The following PLXNC1 variants were observed in gnomAD, a reference collection of about 807,000 sequenced individuals.
The protein encoded by PLXNC1 is plexin C1, also known as plexin-C1.
Under a neutral mutation model 178.2 loss-of-function variants are expected in PLXNC1, and 75 were observed. That is an observed-to-expected ratio of 0.42 (90% CI 0.35 to 0.51). The LOEUF (loss-of-function observed/expected upper bound fraction) is 0.51, where lower values mean the gene tolerates loss of function less well. PLXNC1 is among the 20% of genes least tolerant of loss of function. PLXNC1 has a pLI of 0.02. For missense variants in PLXNC1, 1,503 were observed against 1,984.4 expected (o/e 0.76, Z 4.61); for synonymous variants, 790 against 779.9 (o/e 1.01, Z -0.22).
chr12:94,262,772 C>G, intron 20 of PLXNC1: 8 of 985,360 alleles, frequency 8.1e-6, no homozygotes, highest in Middle Eastern at 5.2e-4. Context: ...AGGTAACTTT[C>G]CCTTCCAAGA....
intron 2 of PLXNC1, among the ~76,000 whole-genome samples, chr12:94,179,579 A>G (rs1289787717): frequency 6.6e-6 from 1 of 151,974 alleles, no homozygotes; most frequent in Non-Finnish European, 1.5e-5. Context: ...CGTCTCTACT[A>G]AAAATACAAA....
At chr12:94,227,479 T>C in intron 9 of PLXNC1, 2 of 344,874 alleles carry the variant, frequency 5.8e-6, no homozygotes, top group Non-Finnish European at 1.1e-5. Context: ...CTGGTCGAAA[T>C]AAAATTGTAA....
chr12:94,243,497 T>A (rs77938313), intron 11 of PLXNC1, among the ~76,000 whole-genome samples: 1 of 152,374 alleles, frequency 6.6e-6, no homozygotes, highest in Non-Finnish European at 1.5e-5. Context: ...CCTGTCTCTC[T>A]AAATAACATA....
chr12:94,168,912 G>T (rs2291323), intron 1 of PLXNC1, among the ~76,000 whole-genome samples: 1 of 152,012 alleles, frequency 6.6e-6, no homozygotes, highest in Admixed American at 6.5e-5. Context: ...TGGCCAGCTC[G>T]CTTTGGCACT....
chr12:94,260,838 C>T lies in PLXNC1; in HGVS notation c.3448C>T (p.Arg1150Trp). 5 of 1,613,852 alleles carry T rather than the reference C, an allele frequency of 3.1e-6. No homozygotes were observed. Among genetic ancestry groups the T allele is most frequent in the Non-Finnish European group, 4.2e-6 (5 of 1,179,790 alleles). Residue 1150 changes from arginine (R) to tryptophan (W), a missense_variant and splice_region_variant, in exon 20 of 31, where the codon CGG becomes TGG. Coordinates refer to ENST00000258526, the MANE Select transcript of PLXNC1 (RefSeq NM_005761.3). This position sits in a 1 kb window ranked among gnomAD's most constrained non-coding sequence, Gnocchi z 4.4. ...GTCCGTCTGCCTTTCTGGATTTCTC[C>T]GGGTAAGTGTCACATCCCTCAGCAA... ...WMSVCLSGFLRETVGEPFYLL... is the reference protein window; with the variant it reads ...WMSVCLSGFLWETVGEPFYLL...
intron 20 of PLXNC1, among the ~76,000 whole-genome samples, chr12:94,262,363 C>T (rs1965014308): frequency 6.6e-6 from 1 of 152,244 alleles, no homozygotes; most frequent in South Asian, 2.1e-4. Flanking sequence ...TGGGCGTTGC[C>T]TTTAAATCCC....
chr12:94,197,437 T>TTCTC (rs61069982), intron 4 of PLXNC1, among the ~76,000 whole-genome samples: 13,718 of 148,554 alleles, frequency 0.092, 738 homozygotes, highest in Middle Eastern at 0.17. Flanking sequence ...TTAGGCCCCT[T>TTCTC]TCTCTCTCTC....
At chr12:94,150,278 T>C (rs1364217359) in intron 1 of PLXNC1, among the ~76,000 whole-genome samples, 1 of 152,080 alleles carries the variant, frequency 6.6e-6, no homozygotes, top group Non-Finnish European at 1.5e-5. Context: ...GGGTTGGAGT[T>C]AGACTCAAAA....
At chr12:94,282,473 C>A in intron 23 of PLXNC1, 72 bp downstream of exon 23, 1 of 982,538 alleles carries the variant, frequency 1.0e-6, no homozygotes, top group Non-Finnish European at 1.6e-6. Flanking sequence ...TCTTTTAAAA[C>A]ATCCAGGACT....
At chr12:94,259,439 C>T in intron 18 of PLXNC1, 64 bp downstream of exon 18, 1 of 1,291,854 alleles carries the variant, frequency 7.7e-7, no homozygotes, top group Admixed American at 2.4e-5. Context: ...TTATCATCAT[C>T]ACTATCATCT....
At chr12:94,174,076 A>G (rs931560383) in intron 2 of PLXNC1, among the ~76,000 whole-genome samples, 1 of 152,196 alleles carries the variant, frequency 6.6e-6, no homozygotes, top group Non-Finnish European at 1.5e-5. Flanking sequence ...GCTATATCAC[A>G]TAGCTCTATC....
chr12:94,211,452 GAAA>G (rs1326976807), intron 5 of PLXNC1, among the ~76,000 whole-genome samples: 1 of 152,180 alleles, frequency 6.6e-6, no homozygotes, highest in Non-Finnish European at 1.5e-5. Flanking sequence ...TGGCTTACCT[GAAA>G]ATCTCAGGTC....
chr12:94,284,390 G>A (rs1966689894), intron 23 of PLXNC1, among the ~76,000 whole-genome samples: 1 of 152,154 alleles, frequency 6.6e-6, no homozygotes. Flanking sequence ...GAGCAGCTTG[G>A]AGGTTAGAAG....
intron 15 of PLXNC1, chr12:94,254,386 C>A: frequency 2.6e-6 from 1 of 387,194 alleles, no homozygotes; most frequent in Admixed American, 3.3e-5. Flanking sequence ...AACTTTATTT[C>A]TCCAGGGATG....
intron 5 of PLXNC1, among the ~76,000 whole-genome samples, chr12:94,215,619 G>T (rs1963625015): frequency 6.6e-6 from 1 of 151,594 alleles, no homozygotes; most frequent in Non-Finnish European, 1.5e-5. Flanking sequence ...CCATGATTCT[G>T]GTTTAAAAAT....
At chr12:94,261,827 T>C (rs989147282) in intron 20 of PLXNC1, among the ~76,000 whole-genome samples, 17 of 151,432 alleles carry the variant, frequency 1.1e-4, no homozygotes, top group South Asian at 4.2e-4. Context: ...TAGACTGTGC[T>C]TAGTTTAATG....
At chr12:94,191,864 C>T (rs894366668) in intron 4 of PLXNC1, among the ~76,000 whole-genome samples, 1 of 151,836 alleles carries the variant, frequency 6.6e-6, no homozygotes. Context: ...ATTGTTGGAA[C>T]CTCAGATCCA....
chr12:94,275,551 C>G (rs116965131), intron 21 of PLXNC1, among the ~76,000 whole-genome samples: 3,075 of 152,174 alleles, frequency 0.02, 38 homozygotes, highest in East Asian at 0.046. Flanking sequence ...ACTGTACTTA[C>G]GCCTTAAGAA....
At chr12:94,233,528 A>G (rs1056334902) in intron 9 of PLXNC1, among the ~76,000 whole-genome samples, 1 of 152,134 alleles carries the variant, frequency 6.6e-6, no homozygotes, top group Non-Finnish European at 1.5e-5. Context: ...CAGAGAAGTG[A>G]GTCTTGATCT....
Sources: gnomAD v4.1 joint callset for allele counts (sites outside exome capture counted in the v4.1 genomes callset) on GRCh38, gnomAD v4.1.1 for gene constraint, Gnocchi (gnomAD v3.1) non-coding constraint, MANE v1.5 for transcripts, NCBI Gene and HGNC (gene_info 2026-07-23, HGNC 2026-07-21) for gene names.